Variants in LRRC4C observed in about 807,000 individuals in gnomAD.
LRRC4C encodes leucine-rich repeat-containing protein 4C.
A neutral mutation model predicts 33.6 loss-of-function variants in LRRC4C; 5 were observed. The ratio of observed to expected loss-of-function variants is 0.15; its 90% CI spans 0.08 to 0.31. The LOEUF is 0.31. LRRC4C is among the 10% of genes least tolerant of loss of function. The pLI is 1.00. For missense variants in LRRC4C, 560 were observed against 796.7 expected (o/e 0.70, Z 3.58); for synonymous variants, 329 against 302.0 (o/e 1.09, Z -0.93).
intron 3 of LRRC4C, among the ~76,000 whole-genome samples, chr11:40,525,885 A>G (rs1022215287): frequency 1.6e-4 from 25 of 152,222 alleles, no homozygotes; most frequent in African/African-American, 5.5e-4. Context: ...GTCGAAGTGT[A>G]GACTGATAGA....
intron 3 of LRRC4C, among the ~76,000 whole-genome samples, chr11:40,566,039 G>A (rs1445295930): frequency 1.6e-5 from 2 of 127,974 alleles, no homozygotes; most frequent in Non-Finnish European, 3.3e-5. Context: ...TATATGTTCT[G>A]TATGTTTTGT....
At chr11:40,879,032 G>A (rs1031894360) in intron 2 of LRRC4C, among the ~76,000 whole-genome samples, 17 of 151,944 alleles carry the variant, frequency 1.1e-4, no homozygotes, top group African/African-American at 3.1e-4. Context: ...AATTCATGAC[G>A]GACATCTTTA....
chr11:41,372,841 C>A (rs1005388419), intron 1 of LRRC4C, among the ~76,000 whole-genome samples: 1 of 150,248 alleles, frequency 6.7e-6, no homozygotes, highest in Non-Finnish European at 1.5e-5. Context: ...CTAATATATT[C>A]CAGAAGAAAT....
intron 1 of LRRC4C, among the ~76,000 whole-genome samples, chr11:41,157,666 C>G (rs1944292856): frequency 6.6e-6 from 1 of 152,038 alleles, no homozygotes; most frequent in Non-Finnish European, 1.5e-5. Flanking sequence ...CAACAGAAAA[C>G]AAAATAAGCA....
rs71466923 is a variant in LRRC4C at position 41,163,284 on chromosome 11, G to GTTTTTTTTTTT, written c.-495-229572_-495-229562dup. Among the ~76,000 whole-genome samples the GTTTTTTTTTTT allele has an allele frequency of 5.6e-4, 41 of 73,374 alleles. 15 individuals are homozygous for GTTTTTTTTTTT. Among genetic ancestry groups the GTTTTTTTTTTT allele is most frequent in the East Asian group, 8.5e-4 (2 of 2,342 alleles). 48.1% of individuals were successfully genotyped at this position (73,374 alleles called of 152,430 possible). A position where few individuals can be genotyped will look rare whatever the true frequency, so the allele number is the denominator to read the frequency against. On this transcript the variant is annotated intron_variant, in intron 1 of 6. Coordinates refer to ENST00000528697, the MANE Select transcript of LRRC4C (RefSeq NM_001258419.2). Reference sequence around the variant, plus strand: ...GTAATAAACTTAGTTTACTGTAACTGTTTTTTTTTTTTTTTTTCAAACAGG... The same window carrying GTTTTTTTTTTT: ...GTAATAAACTTAGTTTACTGTAACTGTTTTTTTTTTTTTTTTTTTTTTTTTTTTCAAACAGG...
rs550119765 is a variant in LRRC4C, at chr11:41,152,533, C to T, written c.-495-218810G>A. On this transcript the variant is annotated intron_variant, in intron 1 of 6. Coordinates refer to ENST00000528697, the MANE Select transcript of LRRC4C (RefSeq NM_001258419.2). ...TCTTCAGCCACTGCAGGAGAAAGTG[C>T]AGTTTTATGAACCCAGGCCTAGTTA... Among the ~76,000 whole-genome samples the T allele has an allele frequency of 4.6e-5, 7 of 152,184 alleles. No homozygotes were observed. The East Asian group carries it at 1.4e-3, about 29-fold the overall frequency.
intron 1 of LRRC4C, among the ~76,000 whole-genome samples, chr11:41,153,914 T>A (rs1208650329): frequency 6.6e-6 from 1 of 152,086 alleles, no homozygotes; most frequent in Non-Finnish European, 1.5e-5. Flanking sequence ...AAGGGATATT[T>A]GACCTACAGA....
chr11:41,140,840 A>G (rs1303170245), intron 1 of LRRC4C, among the ~76,000 whole-genome samples: 1 of 152,196 alleles, frequency 6.6e-6, no homozygotes, highest in Non-Finnish European at 1.5e-5. Context: ...CTTTTTACAT[A>G]AGTAAAAATT....
chr11:40,784,897 G>T (rs946568533), intron 2 of LRRC4C, among the ~76,000 whole-genome samples: 3 of 151,858 alleles, frequency 2.0e-5, no homozygotes, highest in African/African-American at 7.3e-5. Flanking sequence ...AACACAGAAA[G>T]AAAGAAGAAA....
Position 40,858,026 on chromosome 11 carries a change from G to A in LRRC4C, c.-407+75609C>T, listed in dbSNP as rs569186895. ...GACAGGGACAAGGAAAGGAAGGGAAGGGAAGGGAAGGGAAGGGAAGGGAAG... is the reference window on the plus strand; with the variant it reads ...GACAGGGACAAGGAAAGGAAGGGAAAGGAAGGGAAGGGAAGGGAAGGGAAG... On this transcript the variant is annotated intron_variant, in intron 2 of 6. Coordinates refer to ENST00000528697, the MANE Select transcript of LRRC4C (RefSeq NM_001258419.2). Among the ~76,000 whole-genome samples the A allele has an allele frequency of 5.4e-3, 705 of 130,010 alleles. 3 individuals carry two copies. The highest frequency in any genetic ancestry group is 8.1e-3 in the Admixed American group (108 of 13,364). The allele number at this position is 130,010 out of a possible 152,430, so 85.3% of individuals were successfully genotyped here. A position where few individuals can be genotyped will look rare whatever the true frequency, so the allele number is the denominator to read the frequency against.
intron 1 of LRRC4C, among the ~76,000 whole-genome samples, chr11:41,083,627 CT>C (rs1444058526): frequency 5.9e-5 from 9 of 152,110 alleles, no homozygotes; most frequent in African/African-American, 2.2e-4. Flanking sequence ...CAAAATGAGA[CT>C]TTGTGAGGCT....
intron 5 of LRRC4C, among the ~76,000 whole-genome samples, chr11:40,216,234 C>T (rs935553442): frequency 3.9e-5 from 6 of 152,092 alleles, no homozygotes; most frequent in Admixed American, 1.3e-4. Flanking sequence ...ATGTAGTCTT[C>T]ATCTCCTTCC....
chr11:41,147,134 T>C (rs1943761427), intron 1 of LRRC4C, among the ~76,000 whole-genome samples: 1 of 152,246 alleles, frequency 6.6e-6, no homozygotes, highest in African/African-American at 2.4e-5. Flanking sequence ...CTGTTTTTGT[T>C]GTTAAACCAA....
At chr11:40,487,026 A>G (rs182515231) in intron 3 of LRRC4C, among the ~76,000 whole-genome samples, 61 of 152,188 alleles carry the variant, frequency 4.0e-4, no homozygotes, top group African/African-American at 1.4e-3. Context: ...GGTTAAGAAA[A>G]GTTATACGGC....
chr11:40,114,715 G>T lies in LRRC4C; in HGVS notation c.1578C>A (p.Thr526=), dbSNP rs758958454. Residue 526 remains threonine (T), a synonymous_variant, in exon 7 of 7, where the codon ACC becomes ACA. Transcript: ENST00000528697. ...IPGIDEVMKT[T]KIIIGCFVAI... is the part of the protein sequence containing the mutation. ...CCACAAAACACCCAATGATGATTTT[G>T]GTAGTCTTCATGACCTCATCAATTC... The T allele has an allele frequency of 3.7e-6, 6 of 1,614,098 alleles. No individual in the cohort carries two copies. The highest frequency in any genetic ancestry group is 5.1e-6 in the Non-Finnish European group (6 of 1,180,006).
At position 41,404,482 on chromosome 11, in the gene LRRC4C, C is replaced by G. The variant is rs796485207; in HGVS notation, c.-496+54949G>C. Among the ~76,000 whole-genome samples, 85 of 146,062 alleles carry G rather than the reference C, an allele frequency of 5.8e-4. 1 individual carries two copies. Among genetic ancestry groups the G allele is most frequent in the Non-Finnish European group, 9.8e-4 (65 of 66,130 alleles). On this transcript the variant is annotated intron_variant, in intron 1 of 6. Coordinates refer to ENST00000528697, the MANE Select transcript of LRRC4C (RefSeq NM_001258419.2). ...ACCCCAGGGCTATGTGTGTGTGTGT[C>G]TGTGTGTGTGTGTGTATACACACAG... is the stretch of plus-strand genomic sequence containing the variant.
intron 3 of LRRC4C, among the ~76,000 whole-genome samples, chr11:40,458,592 C>G (rs1168741883): frequency 6.6e-6 from 1 of 152,136 alleles, no homozygotes; most frequent in East Asian, 1.9e-4. Context: ...TCTCCTAAGT[C>G]TTTGGTTTTC....
At chr11:40,226,062 C>A (rs1590758970) in intron 5 of LRRC4C, among the ~76,000 whole-genome samples, 1 of 152,224 alleles carries the variant, frequency 6.6e-6, no homozygotes, top group Non-Finnish European at 1.5e-5. Flanking sequence ...TCCCTAAAAC[C>A]ACAAAATCTA....
At chr11:41,005,979 T>G (rs1854724256) in intron 1 of LRRC4C, among the ~76,000 whole-genome samples, 1 of 152,022 alleles carries the variant, frequency 6.6e-6, no homozygotes, top group East Asian at 1.9e-4. Context: ...CCTTCCTCCC[T>G]TCCTCTCTTC....
Sources: gnomAD v4.1 joint callset for allele counts (sites outside exome capture counted in the v4.1 genomes callset) on GRCh38, gnomAD v4.1.1 for gene constraint, MANE v1.5 for transcripts, NCBI Gene and HGNC (gene_info 2026-07-23, HGNC 2026-07-21) for gene names.